NEGR1: variants seen among roughly 807,000 people sequenced by gnomAD.
NEGR1 encodes the protein neuronal growth regulator 1, also known as IgLON family member 4.
In NEGR1, 10 loss-of-function variants were observed where a neutral mutation model predicts 40.9. The observed-to-expected ratio is 0.24, with a 90% CI of 0.15 to 0.42. The LOEUF (loss-of-function observed/expected upper bound fraction) is 0.42. Among genes scored for constraint, NEGR1 ranks in the 10% least tolerant of loss-of-function variants. The probability of loss-of-function intolerance (pLI) is 1.00; values close to 1 mark genes in which losing one functional copy is unlikely to be tolerated. For synonymous variants in NEGR1, 185 were observed against 166.8 expected (o/e 1.11, Z -0.84); for missense variants, 352 against 438.9 (o/e 0.80, Z 1.77).
At chr1:72,076,707 C>A (rs1028785445) in intron 1 of NEGR1, among the ~76,000 whole-genome samples, 2 of 144,866 alleles carry the variant, frequency 1.4e-5, no homozygotes, top group Non-Finnish European at 2.9e-5. Flanking sequence ...TACATATATA[C>A]ACACATGCGT....
chr1:71,661,183 T>C (rs1473679819), intron 4 of NEGR1, among the ~76,000 whole-genome samples: 2 of 152,246 alleles, frequency 1.3e-5, no homozygotes, highest in African/African-American at 4.8e-5. Flanking sequence ...GTCTTTATAG[T>C]AGAATGATTT....
chr1:72,008,361 G>A (rs1334056081), intron 1 of NEGR1, among the ~76,000 whole-genome samples: 3 of 152,040 alleles, frequency 2.0e-5, no homozygotes, highest in Non-Finnish European at 2.9e-5. Context: ...CTAATAAAAT[G>A]TACTTATTTT....
intron 1 of NEGR1, among the ~76,000 whole-genome samples, chr1:72,032,048 A>T (rs1340160511): frequency 2.0e-5 from 3 of 152,196 alleles, no homozygotes; most frequent in African/African-American, 7.2e-5. Flanking sequence ...CAGAGCTAAA[A>T]ATTAGAAGAG....
intron 3 of NEGR1, among the ~76,000 whole-genome samples, chr1:71,766,778 G>C (rs573687155): frequency 2.0e-5 from 3 of 152,258 alleles, no homozygotes; most frequent in Admixed American, 6.5e-5. Context: ...ATCATGGGGG[G>C]AGTTTTCATA....
intron 2 of NEGR1, among the ~76,000 whole-genome samples, chr1:71,880,865 T>TA (rs1266271372): frequency 6.6e-6 from 1 of 152,058 alleles, no homozygotes; most frequent in African/African-American, 2.4e-5. Context: ...GGTTAATATT[T>TA]AATCATGAAT....
chr1:72,041,900 A>G (rs928555897), intron 1 of NEGR1, among the ~76,000 whole-genome samples: 1 of 139,438 alleles, frequency 7.2e-6, no homozygotes, highest in African/African-American at 2.7e-5. Flanking sequence ...TATATATTTG[A>G]GTTTCAAATA....
At chr1:72,058,026 C>A (rs1446988741) in intron 1 of NEGR1, among the ~76,000 whole-genome samples, 2 of 151,422 alleles carry the variant, frequency 1.3e-5, no homozygotes, top group African/African-American at 4.8e-5. Context: ...TTTTTTCCTA[C>A]ATTTTTTTCC....
intron 4 of NEGR1, among the ~76,000 whole-genome samples, chr1:71,697,652 C>T (rs975968913): frequency 2.0e-5 from 3 of 151,758 alleles, no homozygotes; most frequent in Non-Finnish European, 4.4e-5. Flanking sequence ...TTGGGAGTTA[C>T]GCACTTAAAT....
intron 6 of NEGR1, among the ~76,000 whole-genome samples, chr1:71,553,088 T>G (rs1383748289): frequency 2.6e-5 from 4 of 151,554 alleles, no homozygotes; most frequent in Non-Finnish European, 5.9e-5. Flanking sequence ...GTTTCTTTCT[T>G]TTATCCTTCT....
chr1:71,742,178 A>G (rs983432566), intron 3 of NEGR1, among the ~76,000 whole-genome samples: 2 of 152,186 alleles, frequency 1.3e-5, no homozygotes, highest in African/African-American at 2.4e-5. Context: ...GAAGGCATGC[A>G]TCTACAAATT....
At chr1:72,129,432 T>C (rs1650157665) in intron 1 of NEGR1, among the ~76,000 whole-genome samples, 1 of 152,202 alleles carries the variant, frequency 6.6e-6, no homozygotes, top group Non-Finnish European at 1.5e-5. Flanking sequence ...ACAATTGCCT[T>C]ATTTATTAAT....
intron 1 of NEGR1, among the ~76,000 whole-genome samples, chr1:72,021,657 C>A (rs909898333): frequency 3.4e-4 from 51 of 152,002 alleles, no homozygotes; most frequent in African/African-American, 1.2e-3. Flanking sequence ...TGCTCAATGT[C>A]AGAAAAATTT....
intron 1 of NEGR1, among the ~76,000 whole-genome samples, chr1:72,136,834 T>TC (rs1356425358): frequency 6.6e-6 from 1 of 152,082 alleles, no homozygotes; most frequent in East Asian, 1.9e-4. Context: ...GAGAAAATTT[T>TC]TGAAATCTAT....
At chr1:72,197,138 G>A (rs533081649) in intron 1 of NEGR1, among the ~76,000 whole-genome samples, 1 of 152,070 alleles carries the variant, frequency 6.6e-6, no homozygotes, top group Admixed American at 6.6e-5. Flanking sequence ...TGTTCCACTA[G>A]AAGTCAATGT....
At chr1:71,733,390 A>G (rs1228872748) in intron 3 of NEGR1, among the ~76,000 whole-genome samples, 1 of 152,194 alleles carries the variant, frequency 6.6e-6, no homozygotes, top group Non-Finnish European at 1.5e-5. Flanking sequence ...AACTTGAATT[A>G]CATATATTAG....
intron 1 of NEGR1, among the ~76,000 whole-genome samples, chr1:72,034,616 T>C (rs979884089): frequency 8.5e-5 from 13 of 152,112 alleles, no homozygotes; most frequent in South Asian, 2.1e-4. Context: ...TAGTGGACAA[T>C]TGCTGCCACT....
chr1:71,461,644 A>T (rs1374037160), intron 6 of NEGR1: 3 of 152,208 alleles, frequency 2.0e-5, no homozygotes, highest in African/African-American at 7.2e-5. Context: ...GTCACAAATG[A>T]ATCTCAGACA....
chr1:71,782,393 A>G (rs1367434834), intron 2 of NEGR1, among the ~76,000 whole-genome samples: 1 of 152,142 alleles, frequency 6.6e-6, no homozygotes, highest in Non-Finnish European at 1.5e-5. Flanking sequence ...CTAGGACAGA[A>G]TGTGTCTTGT....
chr1:72,098,700 A>G (rs889239982), intron 1 of NEGR1, among the ~76,000 whole-genome samples: 1 of 152,094 alleles, frequency 6.6e-6, no homozygotes, highest in Admixed American at 6.6e-5. Flanking sequence ...GTTTTTCCTT[A>G]CTGAACTAAA....
Sources: gnomAD v4.1 joint callset for allele counts (sites outside exome capture counted in the v4.1 genomes callset) on GRCh38, gnomAD v4.1.1 for gene constraint, MANE v1.5 for transcripts, NCBI Gene and HGNC (gene_info 2026-07-23, HGNC 2026-07-21) for gene names.